The following ESYT3 variants were observed in gnomAD, a reference collection of about 807,000 sequenced individuals.
ESYT3 encodes the protein extended synaptotagmin 3, also known as extended synaptotagmin-3.
A neutral mutation model predicts 111.5 loss-of-function variants in ESYT3; 101 were observed. That is an observed-to-expected ratio of 0.91 (90% CI 0.77 to 1.07). The LOEUF is 1.07. ESYT3 is among the 50% of genes least tolerant of loss of function. ESYT3 has a pLI of 0.00. For missense variants in ESYT3, 1,097 were observed against 1,109.4 expected, an observed-to-expected ratio of 0.99 and a Z score of 0.16; for synonymous variants, 416 against 446.8, an observed-to-expected ratio of 0.93 and a Z score of 0.87.
Position 138,460,037 on chromosome 3 carries a change from G to A in ESYT3, c.738+3G>A, listed in dbSNP as rs2032536057. ...CTGTGTTCTTCCTTCAGAAGCCGGT[G>A]AGTCCCAAGGACTGCGGTAAGCCTG... is the stretch of plus-strand genomic sequence containing the variant. On this transcript the variant is annotated splice_donor_region_variant and intron_variant, in intron 6 of 22. Coordinates refer to ENST00000389567, the MANE Select transcript of ESYT3 (RefSeq NM_031913.5). The A allele has an allele frequency of 6.2e-7, 1 of 1,613,790 alleles. No homozygotes were observed. Among genetic ancestry groups the A allele is most frequent in the African/African-American group, 1.3e-5 (1 of 74,928 alleles).
At chr3:138,466,013 A>G (rs951835467) in intron 10 of ESYT3, among the ~76,000 whole-genome samples, 1 of 152,244 alleles carries the variant, frequency 6.6e-6, no homozygotes, top group East Asian at 1.9e-4. Context: ...ACACTGGCTG[A>G]ATGTTTGAAT....
chr3:138,454,692 C>T (rs534623167), intron 2 of ESYT3, among the ~76,000 whole-genome samples: 5 of 152,364 alleles, frequency 3.3e-5, no homozygotes, highest in Admixed American at 2.6e-4. Flanking sequence ...AGGTCCTGCA[C>T]TTCATTCCCA....
chr3:138,434,842 T>A lies in ESYT3; in HGVS notation c.44T>A (p.Leu15Gln), dbSNP rs1256244918. 2 of 1,552,324 alleles carry A rather than the reference T, an allele frequency of 1.3e-6. No homozygotes were observed. The highest frequency in any genetic ancestry group is 4.9e-5 in the East Asian group (2 of 41,190). Residue 15 changes from leucine (L) to glutamine (Q), a missense_variant, in exon 1 of 23, where the codon CTG (leucine) becomes CAG (glutamine). Coordinates refer to ENST00000389567, the MANE Select transcript of ESYT3 (RefSeq NM_031913.5). Reference sequence around the variant, plus strand: ...TGCGCCCCCGGGGCCCCCAGCGCCCTGGGAGCCCAGCGCACGCCGGGCCCC... The same window carrying A: ...TGCGCCCCCGGGGCCCCCAGCGCCCAGGGAGCCCAGCGCACGCCGGGCCCC... ...EPCAPGAPSA[L>Q]GAQRTPGPEL...
rs370859017 is a variant in ESYT3, at chr3:138,434,828, G to A, written c.30G>A (p.Gly10=). The A allele has an allele frequency of 5.3e-4, 825 of 1,557,244 alleles. No individual in the cohort carries two copies. The highest frequency in any genetic ancestry group is 6.8e-4 in the Non-Finnish European group (786 of 1,152,168). ...GAGCAGAGGAGCCCTGCGCCCCCGG[G>A]GCCCCCAGCGCCCTGGGAGCCCAGC... MRAEEPCAP[G]APSALGAQRT... is the part of the protein sequence containing the mutation. The change falls in exon 1 of 23, where the codon GGG becomes GGA. Residue 10 remains glycine (G), a synonymous_variant. Coordinates refer to ENST00000389567, the MANE Select transcript of ESYT3 (RefSeq NM_031913.5).
At chr3:138,450,437 G>A (rs1042367989) in intron 1 of ESYT3, among the ~76,000 whole-genome samples, 2 of 152,138 alleles carry the variant, frequency 1.3e-5, no homozygotes, top group Non-Finnish European at 2.9e-5. Context: ...TTCCCGCATC[G>A]ATCTCTTCTA....
chr3:138,439,522 C>T (rs1330484063), intron 1 of ESYT3, among the ~76,000 whole-genome samples: 1 of 152,188 alleles, frequency 6.6e-6, no homozygotes, highest in African/African-American at 2.4e-5. Flanking sequence ...CTTCCCTGCC[C>T]ACCTCCCTTG....
chr3:138,473,150 A>T (rs2033319018), intron 18 of ESYT3: 1 of 1,323,092 alleles, frequency 7.6e-7, no homozygotes, highest in South Asian at 2.0e-5. Context: ...GGAAAGCTTA[A>T]TATGTAGAAT....
intron 8 of ESYT3, 111 bp downstream of exon 8, chr3:138,462,317 C>A: frequency 6.8e-7 from 1 of 1,462,870 alleles, no homozygotes; most frequent in Non-Finnish European, 9.4e-7. Flanking sequence ...CTTGACAGTC[C>A]CAGAAAAATG....
At chr3:138,459,060 A>G (rs759176715) in intron 4 of ESYT3, 127 bp from the exon 5 acceptor site, 1 of 647,154 alleles carries the variant, frequency 1.5e-6, no homozygotes, top group Non-Finnish European at 2.6e-6. Context: ...TGCCCAGTGC[A>G]TAGAGCTCAG....
intron 3 of ESYT3, among the ~76,000 whole-genome samples, chr3:138,456,327 CGTG>C (rs2032275386): frequency 6.6e-6 from 1 of 152,162 alleles, no homozygotes; most frequent in African/African-American, 2.4e-5. Context: ...GCAGTATCTG[CGTG>C]CATGATGGCA....
chr3:138,457,431 ATTTACAT>A lies in ESYT3; in HGVS notation c.505-136_505-130del, dbSNP rs1576443998. The A allele has an allele frequency of 2.4e-5, 19 of 797,720 alleles. 1 individual carries two copies. The East Asian group carries it at 4.7e-4, about 20-fold the overall frequency. 49.4% of individuals were successfully genotyped at this position (797,720 alleles called of 1,614,324 possible). A position where few individuals can be genotyped will look rare whatever the true frequency, so the allele number is the denominator to read the frequency against. Reference sequence around the variant, plus strand: ...GGGAAGTCTCTGGGCTGCAGGATAGATTTACATGTCTGTGCCTCGTCTTGGAAGTATG... The same window carrying A: ...GGGAAGTCTCTGGGCTGCAGGATAGAGTCTGTGCCTCGTCTTGGAAGTATG... On this transcript the variant is annotated intron_variant, in intron 3 of 22. Transcript: ENST00000389567.
Position 138,473,567 on chromosome 3 carries a change from G to A in ESYT3, c.2269G>A (p.Glu757Lys). The A allele has an allele frequency of 6.2e-7, 1 of 1,613,808 alleles. No individual in the cohort carries two copies. The highest frequency in any genetic ancestry group is 8.5e-7 in the Non-Finnish European group (1 of 1,179,782). Reference protein sequence around the residue: ...GGDLRRRQLGEIQLTVRYVCL... With the variant: ...GGDLRRRQLGKIQLTVRYVCL... ...GGACCTCAGGCGACGGCAGCTGGGT[G>A]AGATTCAGCTCACAGTGCGCTATGT... The change falls in exon 19 of 23, where the codon GAG becomes AAG. Residue 757 changes from glutamate to lysine, a missense_variant. Glu to Lys is a moderately conservative substitution (Grantham distance 56). Coordinates refer to ENST00000389567, the MANE Select transcript of ESYT3 (RefSeq NM_031913.5).
Position 138,460,655 on chromosome 3 carries a change from G to A in ESYT3, c.783G>A (p.Ala261=), listed in dbSNP as rs570004305. 1.5e-5 allele frequency: 24 copies of A among 1,613,990 alleles called. No homozygotes were observed. Among genetic ancestry groups the A allele is most frequent in the South Asian group, 1.4e-4 (13 of 91,080 alleles). ...NWTGLTNLLD[A]PGINDVSDSL... Reference sequence around the variant, plus strand: ...CTGGCCTGACCAACCTGCTGGATGCGCCGGGAATCAAGTAGGTGCCTGGGA... The same window carrying A: ...CTGGCCTGACCAACCTGCTGGATGCACCGGGAATCAAGTAGGTGCCTGGGA... Residue 261 remains alanine, a synonymous_variant, in exon 7 of 23, where the codon GCG becomes GCA. Transcript: ENST00000389567.
chr3:138,447,672 C>G (rs912544727), intron 1 of ESYT3, among the ~76,000 whole-genome samples: 8 of 152,102 alleles, frequency 5.3e-5, no homozygotes, highest in Admixed American at 5.2e-4. Context: ...CAAATTTCAG[C>G]AAAGTTGCCC....
chr3:138,476,435 T>C lies in ESYT3; in HGVS notation c.2575-8T>C. ...TTGGAGGGGAACTAATTATTTGTGA[T>C]TATTTAGGTACTGATTGACTTATCA... is the stretch of plus-strand genomic sequence containing the variant. On this transcript the variant is annotated splice_polypyrimidine_tract_variant and splice_region_variant and intron_variant, in intron 21 of 22. Coordinates refer to ENST00000389567, the MANE Select transcript of ESYT3 (RefSeq NM_031913.5). The C allele has an allele frequency of 6.2e-7, 1 of 1,613,614 alleles. No individual in the cohort carries two copies. Among genetic ancestry groups the C allele is most frequent in the Non-Finnish European group, 8.5e-7 (1 of 1,179,574 alleles).
intron 21 of ESYT3, 32 bp from the exon 22 acceptor site, chr3:138,476,411 T>C: frequency 4.3e-6 from 7 of 1,611,812 alleles, no homozygotes; most frequent in Non-Finnish European, 5.9e-6. Context: ...TGCAGTGTTT[T>C]GGAGGGGAAC....
intron 3 of ESYT3, among the ~76,000 whole-genome samples, chr3:138,457,105 C>G (rs1162707584): frequency 1.3e-5 from 2 of 152,214 alleles, no homozygotes; most frequent in Admixed American, 6.5e-5. Context: ...CACCACACCC[C>G]CTTTCTTCAC....
intron 18 of ESYT3, chr3:138,473,069 TA>T (rs1371711400): frequency 4.2e-6 from 6 of 1,420,952 alleles, no homozygotes. Context: ...GTACTGACTA[TA>T]AAATAGATGC....
intron 18 of ESYT3, 35 bp from the exon 19 acceptor site, chr3:138,473,501 T>C (rs1206197534): frequency 6.3e-7 from 1 of 1,589,902 alleles, no homozygotes; most frequent in East Asian, 2.2e-5. Flanking sequence ...CAATGCTTGT[T>C]ATGGCGAGAG....
Sources: gnomAD v4.1 joint callset for allele counts (sites outside exome capture counted in the v4.1 genomes callset) on GRCh38, gnomAD v4.1.1 for gene constraint, MANE v1.5 for transcripts, NCBI Gene and HGNC (gene_info 2026-07-23, HGNC 2026-07-21) for gene names.